APOBEC3H: variants seen among roughly 807,000 people sequenced by gnomAD.
APOBEC3H encodes the protein DNA dC->dU-editing enzyme APOBEC-3H.
APOBEC3H carries 8 observed loss-of-function variants against 21.2 expected under a neutral mutation model. That is an observed-to-expected ratio of 0.38 (90% CI 0.22 to 0.68). The LOEUF is 0.68. Among genes scored for constraint, APOBEC3H ranks in the 30% least tolerant of loss-of-function variants. APOBEC3H has a pLI of 0.52. For synonymous variants in APOBEC3H, 88 were observed against 91.0 expected, an observed-to-expected ratio of 0.97 and a Z score of 0.19; for missense variants, 229 against 228.1, an observed-to-expected ratio of 1.00 and a Z score of -0.03.
At position 39,101,298 on chromosome 22, in the gene APOBEC3H, C is replaced by T. The variant is rs199737025; in HGVS notation, c.212C>T (p.Thr71Met). 6.1e-5 allele frequency: 98 copies of T among 1,613,588 alleles called. No homozygotes were observed. The African/African-American group carries it at 7.9e-4, about 13-fold the overall frequency. Residue 71 changes from threonine (T) to methionine (M), a missense_variant, in exon 3 of 5, where the codon ACG becomes ATG. Physicochemically the swap from Thr to Met is moderately conservative, Grantham distance 81. Transcript: ENST00000442487. ...NEIKSMGLDE[T>M]QCYQVTCYLT... is the part of the protein sequence containing the mutation. ...ATCAAGTCCATGGGACTGGACGAAACGCAGTGCTACCAAGTCACCTGTTAC... is the reference window on the plus strand; with the variant it reads ...ATCAAGTCCATGGGACTGGACGAAATGCAGTGCTACCAAGTCACCTGTTAC...
In APOBEC3H at chr22:39,100,163, ACT is replaced by A. The variant is rs1416141429; in HGVS notation, c.-7-106_-7-105del. 14 of 1,210,414 alleles carry A rather than the reference ACT, an allele frequency of 1.2e-5. No homozygotes were observed. The Admixed American group carries it at 2.1e-4, about 18-fold the overall frequency. The allele number at this position is 1,210,414 out of a possible 1,614,324, so 75.0% of individuals were successfully genotyped here. A position where few individuals can be genotyped will look rare whatever the true frequency, so the allele number is the denominator to read the frequency against. ...ACTCCAGCCTGGGCGACAGAGCGAG[ACT>A]CTGTCTCAAAAAACAAAAAAGAGTT... is the stretch of plus-strand genomic sequence containing the variant. On this transcript the variant is annotated intron_variant, in intron 1 of 4. Transcript: ENST00000442487.
rs1418256580 is a variant in APOBEC3H at position 39,103,847 on chromosome 22, A to G, written c.*150A>G. The G allele has an allele frequency of 1.0e-6, 1 of 1,003,354 alleles. No individual in the cohort carries two copies. The highest frequency in any genetic ancestry group is 1.6e-6 in the Non-Finnish European group (1 of 629,316). The allele number at this position is 1,003,354 out of a possible 1,614,324, so 62.2% of individuals were successfully genotyped here. ...CCTGTAAGCAAGCACTAAGCTCCAC[A>G]GTGCCAGTTCCTTGCCCCAACCTGG... On this transcript the variant is annotated 3_prime_UTR_variant, in exon 5 of 5. Coordinates refer to ENST00000442487, the MANE Select transcript of APOBEC3H (RefSeq NM_181773.5).
In APOBEC3H at chr22:39,100,278, G is replaced by C; in HGVS notation, c.-1G>C. Reference sequence around the variant, plus strand: ...TCCCCTTTCTGTTGCACAGAAACACGATGGCTCTGTTAACAGCCGAAACAT... The same window carrying C: ...TCCCCTTTCTGTTGCACAGAAACACCATGGCTCTGTTAACAGCCGAAACAT... On this transcript the variant is annotated 5_prime_UTR_variant, in exon 2 of 5. Coordinates refer to ENST00000442487, the MANE Select transcript of APOBEC3H (RefSeq NM_181773.5). 4 of 1,611,684 alleles carry C rather than the reference G, an allele frequency of 2.5e-6. No individual in the cohort carries two copies. The highest frequency in any genetic ancestry group is 2.2e-5 in the South Asian group (2 of 91,014).
At chr22:39,100,028 C>T (rs1403752850) in intron 1 of APOBEC3H, among the ~76,000 whole-genome samples, 1 of 152,174 alleles carries the variant, frequency 6.6e-6, no homozygotes, top group Non-Finnish European at 1.5e-5. Flanking sequence ...CAAAAATTAG[C>T]CAGGCGTGGT....
chr22:39,101,785 A>C (rs565984722), intron 3 of APOBEC3H, 133 bp from the exon 4 acceptor site: 1 of 1,417,718 alleles, frequency 7.1e-7, no homozygotes, highest in East Asian at 2.3e-5. Flanking sequence ...ATCTGACACC[A>C]CCCGGGAGGG....
chr22:39,102,962 C>CAAA (rs58524849), intron 4 of APOBEC3H, among the ~76,000 whole-genome samples: 18 of 94,052 alleles, frequency 1.9e-4, no homozygotes, highest in East Asian at 7.8e-4. Context: ...GACTCTGTCC[C>CAAA]AAAAAAAAAA....
chr22:39,101,075 G>A (rs1004777405), intron 2 of APOBEC3H, among the ~76,000 whole-genome samples, 162 bp from the exon 3 acceptor site: 4 of 151,884 alleles, frequency 2.6e-5, no homozygotes, highest in South Asian at 2.1e-4. Flanking sequence ...GGCAGGAAGC[G>A]GGTGCTTGCC....
chr22:39,100,269 C>G lies in APOBEC3H; in HGVS notation c.-7-3C>G. On this transcript the variant is annotated splice_region_variant and splice_polypyrimidine_tract_variant and intron_variant, in intron 1 of 4. Transcript: ENST00000442487. ...CTTTGGTTTTCCCCTTTCTGTTGCA[C>G]AGAAACACGATGGCTCTGTTAACAG... 6.2e-7 allele frequency: 1 copy of G among 1,609,204 alleles called. No homozygotes were observed. The highest frequency in any genetic ancestry group is 1.3e-5 in the African/African-American group (1 of 75,010).
At chr22:39,098,797 G>T (rs1929140251) in intron 1 of APOBEC3H, among the ~76,000 whole-genome samples, 1 of 152,090 alleles carries the variant, frequency 6.6e-6, no homozygotes, top group Admixed American at 6.6e-5. Context: ...AAATGCTCAG[G>T]GGTTTTCCAG....
At chr22:39,101,605 G>C (rs1929343950) in intron 3 of APOBEC3H, 101 bp downstream of exon 3, 3 of 381,348 alleles carry the variant, frequency 7.9e-6, no homozygotes, top group Admixed American at 4.4e-5. Context: ...AGGTTGGCGG[G>C]GGGCGGGGGC....
chr22:39,099,885 G>A (rs1394232719), intron 1 of APOBEC3H, among the ~76,000 whole-genome samples: 1 of 152,164 alleles, frequency 6.6e-6, no homozygotes, highest in Non-Finnish European at 1.5e-5. Context: ...AGAAAGGGTT[G>A]GGTTTGGCTG....
At chr22:39,100,499 G>A in intron 2 of APOBEC3H, 71 bp downstream of exon 2, 1 of 1,543,442 alleles carries the variant, frequency 6.5e-7, no homozygotes. Flanking sequence ...GAAAATACAT[G>A]AAATGCCTGC....
intron 1 of APOBEC3H, among the ~76,000 whole-genome samples, chr22:39,097,790 G>A (rs1929087917): frequency 6.6e-6 from 1 of 152,166 alleles, no homozygotes; most frequent in Non-Finnish European, 1.5e-5. Context: ...GGTGTGGGGA[G>A]GCAATGATCT....
chr22:39,100,604 A>T, intron 2 of APOBEC3H, 176 bp downstream of exon 2: 1 of 825,686 alleles, frequency 1.2e-6, no homozygotes, highest in Non-Finnish European at 1.8e-6. Context: ...TGAGTGGCCC[A>T]GTTTCCCTAG....
At chr22:39,100,513 TA>T in intron 2 of APOBEC3H, 85 bp downstream of exon 2, 1 of 1,520,038 alleles carries the variant, frequency 6.6e-7, no homozygotes, top group Non-Finnish European at 8.9e-7. Context: ...TGCCTGCCTA[TA>T]AATTTCTCAA....
intron 1 of APOBEC3H, among the ~76,000 whole-genome samples, chr22:39,099,118 C>T (rs1929159200): frequency 6.6e-6 from 1 of 151,982 alleles, no homozygotes; most frequent in Non-Finnish European, 1.5e-5. Context: ...TTGCTTGAAC[C>T]CGGGAGAATC....
Position 39,101,515 on chromosome 22 carries a change from G to A in APOBEC3H, c.418+11G>A. 1 of 1,603,146 alleles carries A rather than the reference G, an allele frequency of 6.2e-7. No homozygotes were observed. ...TCATGGGCTTCCCAGGTAGGAAAGA[G>A]GCTTTGCAGTTATAAGAGTGCAAAC... On this transcript the variant is annotated intron_variant, in intron 3 of 4. Transcript: ENST00000442487.
At chr22:39,101,813 G>A (rs1929371504) in intron 3 of APOBEC3H, 105 bp from the exon 4 acceptor site, 2 of 1,558,500 alleles carry the variant, frequency 1.3e-6, no homozygotes, top group African/African-American at 1.4e-5. Context: ...CCCAGACAGA[G>A]CAATGTCCAG....
At chr22:39,103,456 C>CATTAGATCCCATTT (rs961068570) in intron 4 of APOBEC3H, among the ~76,000 whole-genome samples, 1 of 152,204 alleles carries the variant, frequency 6.6e-6, no homozygotes, top group Non-Finnish European at 1.5e-5. Context: ...CAGAAATTGA[C>CATTAGATCCCATTT]AATTGGGATC....
Sources: allele counts gnomAD v4.1 joint callset (sites outside exome capture counted in the v4.1 genomes callset), GRCh38; gene constraint gnomAD v4.1.1; transcripts MANE v1.5; gene names NCBI Gene and HGNC (gene_info 2026-07-23, HGNC 2026-07-21).